Variants in MED19 observed in about 807,000 individuals in gnomAD.
MED19 encodes the protein mediator complex subunit 19, also known as mediator of RNA polymerase II transcription subunit 19.
Under a neutral mutation model 19.9 loss-of-function variants are expected in MED19, and 4 were observed. That is an observed-to-expected ratio of 0.20 (90% CI 0.10 to 0.46). The LOEUF is 0.46. MED19 is among the 20% of genes least tolerant of loss of function. MED19 has a pLI of 0.99. For synonymous variants in MED19, 139 were observed against 119.6 expected (o/e 1.16, Z -1.06); for missense variants, 303 against 318.7 (o/e 0.95, Z 0.38).
chr11:57,709,265 G>T (rs527721585), intron 1 of MED19, among the ~76,000 whole-genome samples: 1 of 151,338 alleles, frequency 6.6e-6, no homozygotes, highest in Admixed American at 6.6e-5. Flanking sequence ...CCTGTAATCC[G>T]AACTACTCGG....
chr11:57,711,429 T>C (rs906697339), intron 1 of MED19, among the ~76,000 whole-genome samples: 6 of 152,198 alleles, frequency 3.9e-5, no homozygotes, highest in Admixed American at 2.0e-4. Context: ...GTCGGCTCTC[T>C]GCAACCTCCG....
exon 4 of MED19, chr11:57,704,389 T>A (rs1238741089): frequency 1.3e-6 from 2 of 1,538,302 alleles, no homozygotes; most frequent in South Asian, 2.4e-5. Flanking sequence ...CTGAATCAGA[T>A]GGTGTTTCTG....
intron 3 of MED19, 28 bp downstream of exon 3, chr11:57,704,691 T>TTTTG: frequency 6.3e-7 from 1 of 1,581,644 alleles, no homozygotes; most frequent in Non-Finnish European, 8.6e-7. Flanking sequence ...TTTTTTTTTT[T>TTTTG]TTTGCTTTGA....
chr11:57,704,125 G>A lies in MED19; in HGVS notation c.667-19C>T. 6.5e-7 allele frequency: 1 copy of A among 1,536,132 alleles called. No homozygotes were observed. The highest frequency in any genetic ancestry group is 8.7e-7 in the Non-Finnish European group (1 of 1,146,906). On this transcript the variant is annotated intron_variant, in intron 4 of 4. Transcript: ENST00000431606. ...GTCGATTCTGGGGGAGAAAGAAGCA[G>A]GGTAAGAACAACTAGGAACTAGCCT...
chr11:57,705,889 A>G (rs1946502784), intron 1 of MED19, among the ~76,000 whole-genome samples: 1 of 152,106 alleles, frequency 6.6e-6, no homozygotes, highest in African/African-American at 2.4e-5. Flanking sequence ...TATTAGTGAA[A>G]AATTATATTC....
exon 1 of MED19, chr11:57,712,030 C>T (rs376584624): frequency 6.5e-7 from 1 of 1,535,988 alleles, no homozygotes; most frequent in African/African-American, 1.4e-5. Flanking sequence ...CAGGAGGAGC[C>T]GTGGCCGCGG....
intron 1 of MED19, among the ~76,000 whole-genome samples, chr11:57,706,687 C>T (rs1946511386): frequency 6.6e-6 from 1 of 151,948 alleles, no homozygotes; most frequent in Non-Finnish European, 1.5e-5. Flanking sequence ...GAGCTGAGAT[C>T]AGGCCACTGC....
At chr11:57,709,982 T>G (rs188877104) in intron 1 of MED19, among the ~76,000 whole-genome samples, 59 of 152,346 alleles carry the variant, frequency 3.9e-4, no homozygotes, top group Non-Finnish European at 2.9e-5. Context: ...AGCAGTAACT[T>G]CTGACTAATT....
chr11:57,704,320 TTTC>T (rs1392767902), exon 4 of MED19: 2 of 1,534,994 alleles, frequency 1.3e-6, no homozygotes, highest in Non-Finnish European at 1.7e-6. Flanking sequence ...TCTTCTTCTC[TTTC>T]TTCTTCCTTT....
chr11:57,705,014 T>C, exon 2 of MED19: 2 of 1,614,106 alleles, frequency 1.2e-6, no homozygotes, highest in Non-Finnish European at 1.7e-6. Context: ...ATGGTCCCTG[T>C]GATAGGATTG....
rs3016263 is a variant in MED19 at position 57,707,722 on chromosome 11, T to C, written c.218-2493A>G. On this transcript the variant is annotated intron_variant, in intron 1 of 4. Transcript: ENST00000431606. Reference sequence around the variant, plus strand: ...ATTTCCCCTGCTCTGCCAACTCTCCTCTGTCCAGATGGTTATCCTTAAGGC... The same window carrying C: ...ATTTCCCCTGCTCTGCCAACTCTCCCCTGTCCAGATGGTTATCCTTAAGGC... 9.8e-3 allele frequency among the ~76,000 whole-genome samples: 1,492 copies of C among 152,368 alleles called. 28 individuals are homozygous for C. Among genetic ancestry groups the C allele is most frequent in the African/African-American group, 0.034 (1,433 of 41,578 alleles).
chr11:57,706,110 C>T (rs981502969), intron 1 of MED19, among the ~76,000 whole-genome samples: 2 of 152,042 alleles, frequency 1.3e-5, no homozygotes, highest in Admixed American at 6.6e-5. Flanking sequence ...TATTCTTCCT[C>T]GTGATACTGA....
chr11:57,712,089 G>C (rs1156863185), exon 1 of MED19: 7 of 1,530,390 alleles, frequency 4.6e-6, no homozygotes, highest in Non-Finnish European at 5.3e-6. Flanking sequence ...GGCGGTGGCG[G>C]GGGTGGAGGC....
chr11:57,705,058 A>G, exon 2 of MED19: 1 of 1,614,200 alleles, frequency 6.2e-7, no homozygotes, highest in African/African-American at 1.3e-5. Flanking sequence ...CTTCTCAATG[A>G]GAGAGCGGAG....
chr11:57,704,885 G>T, intron 2 of MED19, 70 bp from the exon 3 acceptor site: 1 of 1,606,922 alleles, frequency 6.2e-7, no homozygotes. Context: ...CATCCATTCT[G>T]CTCCATTATG....
rs1029639990 is a variant in MED19, at chr11:57,710,957, G to C, written c.217+1006C>G. 2.0e-5 allele frequency among the ~76,000 whole-genome samples: 3 copies of C among 152,194 alleles called. No individual in the cohort carries two copies. In the South Asian group the frequency reaches 6.2e-4, roughly 31 times the overall value. On this transcript the variant is annotated intron_variant, in intron 1 of 4. Coordinates refer to ENST00000431606, the Ensembl canonical transcript of MED19. ...GGATTCTGCCTCGGCCTCCCAAAGC[G>C]CTGGGATTACAGGCGTGAGCAACGC... is the stretch of plus-strand genomic sequence containing the variant.
intron 1 of MED19, among the ~76,000 whole-genome samples, chr11:57,707,456 ATGTCT>A (rs1433401858): frequency 6.6e-6 from 1 of 152,176 alleles, no homozygotes; most frequent in East Asian, 1.9e-4. Flanking sequence ...GGCACAGACA[ATGTCT>A]TGTTCATTCA....
chr11:57,707,160 T>C (rs898825351), intron 1 of MED19, among the ~76,000 whole-genome samples: 5 of 146,060 alleles, frequency 3.4e-5, no homozygotes, highest in Non-Finnish European at 5.9e-5. Flanking sequence ...TTTGCACCAC[T>C]GCACTCCAGC....
chr11:57,707,667 G>A (rs1240014287), intron 1 of MED19, among the ~76,000 whole-genome samples: 1 of 152,060 alleles, frequency 6.6e-6, no homozygotes, highest in Non-Finnish European at 1.5e-5. Flanking sequence ...ATAACTCTGG[G>A]CACTGCCTCT....
Sources: gnomAD v4.1 joint callset for allele counts (sites outside exome capture counted in the v4.1 genomes callset) on GRCh38, gnomAD v4.1.1 for gene constraint, MANE v1.5 for transcripts, NCBI Gene and HGNC (gene_info 2026-07-23, HGNC 2026-07-21) for gene names.